CCN3: variants seen among roughly 807,000 people sequenced by gnomAD.
The protein encoded by CCN3 is CCN family member 3.
A neutral mutation model predicts 33.4 loss-of-function variants in CCN3; 20 were observed. The ratio of observed to expected loss-of-function variants is 0.60; its 90% CI spans 0.42 to 0.87. The LOEUF (loss-of-function observed/expected upper bound fraction) is 0.87. Among genes scored for constraint, CCN3 ranks in the 40% least tolerant of loss-of-function variants. The probability of loss-of-function intolerance (pLI) is 0.00; values close to 1 mark genes in which losing one functional copy is unlikely to be tolerated. For missense variants in CCN3, 465 were observed against 455.3 expected, an observed-to-expected ratio of 1.02 and a Z score of -0.19; for synonymous variants, 205 against 170.4, an observed-to-expected ratio of 1.20 and a Z score of -1.58.
At chr8:119,418,403 G>A (rs975766827) in intron 3 of CCN3, 94 bp downstream of exon 3, 2 of 1,479,556 alleles carry the variant, frequency 1.4e-6, no homozygotes, top group East Asian at 2.3e-5. Flanking sequence ...AGAGAAACTG[G>A]CCTCAGTTTC....
At chr8:119,420,605 A>G (rs1338353632) in intron 4 of CCN3, among the ~76,000 whole-genome samples, 1 of 152,176 alleles carries the variant, frequency 6.6e-6, no homozygotes, top group Non-Finnish European at 1.5e-5. Flanking sequence ...ATTCAAACAT[A>G]TATCTAACAT....
chr8:119,417,653 C>G (rs1415525923), intron 2 of CCN3, among the ~76,000 whole-genome samples: 28 of 152,158 alleles, frequency 1.8e-4, no homozygotes, highest in Admixed American at 1.8e-3. Context: ...AATGCCCTTC[C>G]CAATTTGATC....
chr8:119,423,140 C>T lies in CCN3; in HGVS notation c.*8C>T. The T allele has an allele frequency of 6.2e-7, 1 of 1,609,472 alleles. No individual in the cohort carries two copies. On this transcript the variant is annotated 3_prime_UTR_variant, in exon 5 of 5. Coordinates refer to ENST00000259526, the MANE Select transcript of CCN3 (RefSeq NM_002514.4). ...ACCAGAGGGAAAATGTAACCTGTCA[C>T]TCAAGAAGCACACCTACAGAGCACC...
Position 119,422,856 on chromosome 8 carries a change from C to T in CCN3, c.798C>T (p.Arg266=), listed in dbSNP as rs1210087401. 1.2e-6 allele frequency: 2 copies of T among 1,608,080 alleles called. No individual in the cohort carries two copies. The highest frequency in any genetic ancestry group is 1.1e-5 in the South Asian group (1 of 90,878). Residue 266 remains arginine (R), a synonymous_variant, in exon 5 of 5, where the codon CGC becomes CGT. Coordinates refer to ENST00000259526, the MANE Select transcript of CCN3 (RefSeq NM_002514.4). ...CTTAGAAAGGAAAAAAGTGTCTCCG[C>T]ACCAAGAAGTCACTCAAAGCCATCC... ...PTDKKGKKCL[R]TKKSLKAIHL...
Position 119,422,924 on chromosome 8 carries a change from C to T in CCN3, c.866C>T (p.Pro289Leu), listed in dbSNP as rs1044305640. 1.2e-6 allele frequency: 2 copies of T among 1,614,088 alleles called. No individual in the cohort carries two copies. The highest frequency in any genetic ancestry group is 8.5e-7 in the Non-Finnish European group (1 of 1,180,008). ...TGCACCAGCCTGCACACCTACAAGC[C>T]CAGGTTCTGTGGGGTCTGCAGTGAT... ...KNCTSLHTYK[P>L]RFCGVCSDGR... is the part of the protein sequence containing the mutation. Residue 289 changes from proline to leucine, a missense_variant, in exon 5 of 5, where the codon CCC becomes CTC. By Grantham distance (98) the Pro-to-Leu change is moderately conservative (BLOSUM62 -3). Transcript: ENST00000259526.
At chr8:119,422,778 A>C in intron 4 of CCN3, 58 bp from the exon 5 acceptor site, 1 of 1,409,132 alleles carries the variant, frequency 7.1e-7, no homozygotes, top group African/African-American at 1.4e-5. Context: ...CATACTCTAA[A>C]ATTGTCCCTC....
At chr8:119,421,242 C>T (rs1379685934) in intron 4 of CCN3, among the ~76,000 whole-genome samples, 2 of 151,994 alleles carry the variant, frequency 1.3e-5, no homozygotes, top group African/African-American at 4.8e-5. Flanking sequence ...ATCTCCTGAC[C>T]TTGTGATCTG....
Position 119,422,818 on chromosome 8 carries a change from T to A in CCN3, c.778-18T>A, listed in dbSNP as rs1168919493. 1 of 1,584,936 alleles carries A rather than the reference T, an allele frequency of 6.3e-7. No individual in the cohort carries two copies. Among genetic ancestry groups the A allele is most frequent in the Admixed American group, 1.8e-5 (1 of 56,116 alleles). ...GAATGGTAGCCATTCAATACATCAC[T>A]TCTTTTTTCTTTCTTAGAAAGGAAA... On this transcript the variant is annotated intron_variant, in intron 4 of 4. Transcript: ENST00000259526.
rs763082642 is a variant in CCN3, at chr8:119,416,773, G to A, written c.114G>A (p.Gln38=). The A allele has an allele frequency of 1.9e-6, 3 of 1,594,448 alleles. No homozygotes were observed. The highest frequency in any genetic ancestry group is 1.1e-5 in the South Asian group (1 of 89,034). ...CTGCGACTCAGCGCTGCCCTCCCCA[G>A]TGCCCGGGCCGGTGCCCTGCGACGC... ...QVAATQRCPP[Q]CPGRCPATPP... is the part of the protein sequence containing the mutation. The change falls in exon 2 of 5, where the codon CAG becomes CAA. Residue 38 remains glutamine (Q), a synonymous_variant. Transcript: ENST00000259526.
At position 119,423,135 on chromosome 8, in the gene CCN3, T is replaced by C. The variant is rs753735314; in HGVS notation, c.*3T>C. On this transcript the variant is annotated 3_prime_UTR_variant, in exon 5 of 5. Coordinates refer to ENST00000259526, the MANE Select transcript of CCN3 (RefSeq NM_002514.4). The stretch of plus-strand genomic sequence containing the variant: ...AGACTACCAGAGGGAAAATGTAACC[T>C]GTCACTCAAGAAGCACACCTACAGA... The C allele has an allele frequency of 3.1e-6, 5 of 1,610,656 alleles. No individual in the cohort carries two copies. Among genetic ancestry groups the C allele is most frequent in the Non-Finnish European group, 3.4e-6 (4 of 1,177,480 alleles).
intron 4 of CCN3, 78 bp from the exon 5 acceptor site, chr8:119,422,758 C>G (rs911185561): frequency 8.6e-7 from 1 of 1,166,004 alleles, no homozygotes; most frequent in Admixed American, 2.3e-5. Flanking sequence ...GGGCAACTAG[C>G]AGGTAATTCC....
At chr8:119,420,897 A>G (rs1563617057) in intron 4 of CCN3, among the ~76,000 whole-genome samples, 1 of 151,086 alleles carries the variant, frequency 6.6e-6, no homozygotes, top group Non-Finnish European at 1.5e-5. Context: ...TAATATTTGG[A>G]TATGTTATTT....
At chr8:119,421,136 A>T (rs1043534285) in intron 4 of CCN3, among the ~76,000 whole-genome samples, 1 of 147,332 alleles carries the variant, frequency 6.8e-6, no homozygotes, top group Non-Finnish European at 1.5e-5. Flanking sequence ...CTCCTGCCTC[A>T]GCCTCCTCAG....
At chr8:119,422,477 C>T (rs1354152783) in intron 4 of CCN3, among the ~76,000 whole-genome samples, 1 of 152,214 alleles carries the variant, frequency 6.6e-6, no homozygotes, top group African/African-American at 2.4e-5. Flanking sequence ...CTTTCACCTG[C>T]ATGCTCATCT....
chr8:119,421,325 G>A (rs1416598613), intron 4 of CCN3, among the ~76,000 whole-genome samples: 1 of 152,096 alleles, frequency 6.6e-6, no homozygotes, highest in Non-Finnish European at 1.5e-5. Context: ...GGTTCTTAAA[G>A]GGTGGTCCCC....
In CCN3 at chr8:119,424,186, G is replaced by A. The variant is rs942434517; in HGVS notation, c.*1054G>A. On this transcript the variant is annotated 3_prime_UTR_variant, in exon 5 of 5. Transcript: ENST00000259526. ...TACATACATGTATCTGGTTTGTCAG[G>A]CTACAAGGTAGGCTGCAAAATTAAA... 4 of 152,126 alleles carry A rather than the reference G, an allele frequency of 2.6e-5. No individual in the cohort carries two copies. The highest frequency in any genetic ancestry group is 5.9e-5 in the Non-Finnish European group (4 of 68,026). 9.4% of individuals were successfully genotyped at this position (152,126 alleles called of 1,614,324 possible).
In CCN3 at chr8:119,422,833, T is replaced by G; in HGVS notation, c.778-3T>G. ...AATACATCACTTCTTTTTTCTTTCTTAGAAAGGAAAAAAGTGTCTCCGCAC... is the reference window on the plus strand; with the variant it reads ...AATACATCACTTCTTTTTTCTTTCTGAGAAAGGAAAAAAGTGTCTCCGCAC... On this transcript the variant is annotated splice_polypyrimidine_tract_variant and splice_region_variant and intron_variant, in intron 4 of 4. Transcript: ENST00000259526. The G allele has an allele frequency of 6.3e-7, 1 of 1,592,458 alleles. No homozygotes were observed. The highest frequency in any genetic ancestry group is 1.1e-5 in the South Asian group (1 of 89,852).
At position 119,419,199 on chromosome 8, in the gene CCN3, A is replaced by G; in HGVS notation, c.631A>G (p.Thr211Ala). ...DSSVNCIEQT[T>A]EWTACSKSCG... ...AAGTGTCAACTGCATTGAACAGACC[A>G]CAGAGTGGACAGCATGCTCCAAGAG... Residue 211 changes from threonine (T) to alanine (A), a missense_variant, in exon 4 of 5, where the codon ACA (threonine) becomes GCA (alanine). Thr to Ala is a moderately conservative substitution (Grantham distance 58). Transcript: ENST00000259526. 6.2e-7 allele frequency: 1 copy of G among 1,614,234 alleles called. No individual in the cohort carries two copies. The highest frequency in any genetic ancestry group is 1.1e-5 in the South Asian group (1 of 91,086).
chr8:119,421,426 G>A (rs1380310865), intron 4 of CCN3, among the ~76,000 whole-genome samples: 1 of 152,194 alleles, frequency 6.6e-6, no homozygotes, highest in Non-Finnish European at 1.5e-5. Context: ...CTCAGGGTGT[G>A]AGGTCTGACA....
Sources: gnomAD v4.1 joint callset for allele counts (sites outside exome capture counted in the v4.1 genomes callset) on GRCh38, gnomAD v4.1.1 for gene constraint, MANE v1.5 for transcripts, NCBI Gene and HGNC (gene_info 2026-07-23, HGNC 2026-07-21) for gene names.